ITM2B: variants seen among roughly 807,000 people sequenced by gnomAD.
The protein encoded by ITM2B is integral membrane protein 2B.
A neutral mutation model predicts 27.8 loss-of-function variants in ITM2B; 11 were observed. The observed-to-expected ratio is 0.40, with a 90% confidence interval of 0.25 to 0.66. ITM2B has a LOEUF of 0.66. Among genes scored for constraint, ITM2B ranks in the 30% least tolerant of loss-of-function variants. ITM2B has a pLI of 0.43. For missense variants in ITM2B, 296 were observed against 328.9 expected, an observed-to-expected ratio of 0.90 and a Z score of 0.77; for synonymous variants, 114 against 114.3, an observed-to-expected ratio of 1.00 and a Z score of 0.02.
intron 1 of ITM2B, among the ~76,000 whole-genome samples, chr13:48,252,543 C>G (rs9332270): frequency 6.6e-6 from 1 of 152,178 alleles, no homozygotes; most frequent in Admixed American, 6.5e-5. Flanking sequence ...GGTTTCACCC[C>G]GAAACCATAT....
In ITM2B at chr13:48,258,204, A is replaced by G. The variant is rs180832133; in HGVS notation, c.532A>G (p.Arg178Gly). Residue 178 changes from arginine to glycine, a missense_variant, in exon 4 of 6, where the codon AGA (arginine) becomes GGA (glycine). Coordinates refer to ENST00000647800, the MANE Select transcript of ITM2B (RefSeq NM_021999.5). ...GAACACTTCCATTGTTATGCCACCC[A>G]GAAACCTACTGGAGTTACTTATTAA... The part of the protein sequence containing the change: ...PLNTSIVMPP[R>G]NLLELLINIK... The G allele has an allele frequency of 4.4e-5, 70 of 1,590,206 alleles. 1 individual carries two copies. In the Admixed American group the frequency reaches 9.3e-4, roughly 21 times the overall value.
intron 2 of ITM2B, among the ~76,000 whole-genome samples, chr13:48,255,151 C>T (rs934572694): frequency 1.3e-5 from 2 of 152,064 alleles, no homozygotes; most frequent in African/African-American, 4.8e-5. Context: ...GCTAGGATTA[C>T]AGGCGTGACA....
rs79927631 is a variant in ITM2B at position 48,264,676 on chromosome 13, G to C, written c.*3452G>C. 3 of 152,246 alleles carry C rather than the reference G, an allele frequency of 2.0e-5. No homozygotes were observed. Among genetic ancestry groups the C allele is most frequent in the Non-Finnish European group, 2.9e-5 (2 of 68,016 alleles). 9.4% of individuals were successfully genotyped at this position (152,246 alleles called of 1,614,324 possible). Reference sequence around the variant, plus strand: ...AGGTTCCTAGATAAGGACTTCATGTGTATCTATTTAGAAAAAGAACATTTC... The same window carrying C: ...AGGTTCCTAGATAAGGACTTCATGTCTATCTATTTAGAAAAAGAACATTTC... On this transcript the variant is annotated 3_prime_UTR_variant, in exon 6 of 6. Transcript: ENST00000647800.
In ITM2B at chr13:48,262,308, T is replaced by C. The variant is rs892522373; in HGVS notation, c.*1084T>C. 1 of 152,160 alleles carries C rather than the reference T, an allele frequency of 6.6e-6. No individual in the cohort carries two copies. The highest frequency in any genetic ancestry group is 2.4e-5 in the African/African-American group (1 of 41,448). 9.4% of individuals were successfully genotyped at this position (152,160 alleles called of 1,614,324 possible). On this transcript the variant is annotated 3_prime_UTR_variant, in exon 6 of 6. Coordinates refer to ENST00000647800, the MANE Select transcript of ITM2B (RefSeq NM_021999.5). ...CCACCCCCATTTAATAAAATACCTA[T>C]GATTCATTTCACCTCAAGTTCCTAA...
chr13:48,242,746 T>C (rs957275914), intron 1 of ITM2B, among the ~76,000 whole-genome samples: 1 of 152,172 alleles, frequency 6.6e-6, no homozygotes, highest in Non-Finnish European at 1.5e-5. Flanking sequence ...TGACTTTTTT[T>C]CCCCCTTTGG....
intron 1 of ITM2B, among the ~76,000 whole-genome samples, chr13:48,242,389 G>GTTTC (rs534078797): frequency 9.9e-5 from 15 of 151,250 alleles, no homozygotes; most frequent in South Asian, 2.1e-4. Flanking sequence ...AACTTACCAA[G>GTTTC]TTTCTTTCTT....
At position 48,266,809 on chromosome 13, in the gene ITM2B, A is replaced by G. The variant is rs1951855870; in HGVS notation, c.*5585A>G. On this transcript the variant is annotated 3_prime_UTR_variant, in exon 6 of 6. Transcript: ENST00000647800. ...AAGTAAAATGTTCTGTGGGGGCCATATTAAGATTTTCATATGACAGAAGTG... is the reference window on the plus strand; with the variant it reads ...AAGTAAAATGTTCTGTGGGGGCCATGTTAAGATTTTCATATGACAGAAGTG... The G allele has an allele frequency of 6.6e-6, 1 of 152,152 alleles. No homozygotes were observed. Among genetic ancestry groups the G allele is most frequent in the Non-Finnish European group, 1.5e-5 (1 of 68,030 alleles). The allele number at this position is 152,152 out of a possible 1,614,324, so 9.4% of individuals were successfully genotyped here. A position where few individuals can be genotyped will look rare whatever the true frequency, so the allele number is the denominator to read the frequency against.
intron 1 of ITM2B, among the ~76,000 whole-genome samples, chr13:48,253,337 C>T (rs1405109665): frequency 6.6e-6 from 1 of 151,734 alleles, no homozygotes; most frequent in Non-Finnish European, 1.5e-5. Flanking sequence ...AGTTTTATAC[C>T]TGGTATGAAA....
intron 1 of ITM2B, among the ~76,000 whole-genome samples, chr13:48,240,969 A>C (rs1405906436): frequency 1.3e-5 from 2 of 152,212 alleles, no homozygotes; most frequent in African/African-American, 4.8e-5. Context: ...CCCATAGATT[A>C]ATTCAAAGCA....
chr13:48,261,494 C>A lies in ITM2B; in HGVS notation c.*270C>A. On this transcript the variant is annotated 3_prime_UTR_variant, in exon 6 of 6. Coordinates refer to ENST00000647800, the MANE Select transcript of ITM2B (RefSeq NM_021999.5). Reference sequence around the variant, plus strand: ...TAGGTAGTAGGAAGAATTACAATTTCTTTAAATCATTTATCTGGATTTTTA... The same window carrying A: ...TAGGTAGTAGGAAGAATTACAATTTATTTAAATCATTTATCTGGATTTTTA... 1 of 271,692 alleles carries A rather than the reference C, an allele frequency of 3.7e-6. No individual in the cohort carries two copies. Among genetic ancestry groups the A allele is most frequent in the Non-Finnish European group, 6.9e-6 (1 of 144,226 alleles). The allele number at this position is 271,692 out of a possible 1,614,324, so 16.8% of individuals were successfully genotyped here.
chr13:48,237,711 C>T (rs573201432), intron 1 of ITM2B, among the ~76,000 whole-genome samples: 2 of 152,254 alleles, frequency 1.3e-5, no homozygotes, highest in East Asian at 1.9e-4. Flanking sequence ...TACATAGAAA[C>T]ATGTACTAAG....
chr13:48,239,704 CA>C (rs1951688827), intron 1 of ITM2B, among the ~76,000 whole-genome samples: 1 of 152,128 alleles, frequency 6.6e-6, no homozygotes, highest in African/African-American at 2.4e-5. Context: ...TCCAATTTTC[CA>C]AGGCAAGCTA....
rs1372515604 is a variant in ITM2B at position 48,262,029 on chromosome 13, A to T, written c.*805A>T. ...CAGATTTTTTCTTTAAATAAAAATA[A>T]GTCATTTTAATAACTAAACCAGATT... On this transcript the variant is annotated 3_prime_UTR_variant, in exon 6 of 6. Coordinates refer to ENST00000647800, the MANE Select transcript of ITM2B (RefSeq NM_021999.5). 1 of 152,264 alleles carries T rather than the reference A, an allele frequency of 6.6e-6. No individual in the cohort carries two copies. Among genetic ancestry groups the T allele is most frequent in the African/African-American group, 2.4e-5 (1 of 41,470 alleles). The allele number at this position is 152,264 out of a possible 1,614,324, so 9.4% of individuals were successfully genotyped here. A position where few individuals can be genotyped will look rare whatever the true frequency, so the allele number is the denominator to read the frequency against.
chr13:48,243,523 A>G (rs1474688157), intron 1 of ITM2B, among the ~76,000 whole-genome samples: 1 of 152,142 alleles, frequency 6.6e-6, no homozygotes, highest in African/African-American at 2.4e-5. Context: ...TAAACCTTTT[A>G]CAACAGTAGA....
At chr13:48,256,636 A>T (rs979647277) in intron 3 of ITM2B, among the ~76,000 whole-genome samples, 3 of 152,112 alleles carry the variant, frequency 2.0e-5, no homozygotes, top group African/African-American at 7.2e-5. Flanking sequence ...TGGCAAACTA[A>T]TATTTTTTAT....
At chr13:48,260,089 A>C (rs1951812878) in intron 5 of ITM2B, among the ~76,000 whole-genome samples, 2 of 152,244 alleles carry the variant, frequency 1.3e-5, no homozygotes, top group African/African-American at 4.8e-5. Context: ...ATGAGTGAGA[A>C]GATGCAGTGT....
At chr13:48,233,561 G>A (rs1476106654) in intron 1 of ITM2B, 84 bp downstream of exon 1, 1 of 875,304 alleles carries the variant, frequency 1.1e-6, no homozygotes, top group Non-Finnish European at 1.6e-6. Flanking sequence ...TGCGCCCCGA[G>A]GTGGCGGGCG....
chr13:48,233,558 C>G, intron 1 of ITM2B, 81 bp downstream of exon 1: 3 of 924,722 alleles, frequency 3.2e-6, no homozygotes, highest in Non-Finnish European at 4.6e-6. Context: ...CAGTGCGCCC[C>G]GAGGTGGCGG....
chr13:48,243,138 A>G (rs191167791), intron 1 of ITM2B, among the ~76,000 whole-genome samples: 92 of 146,596 alleles, frequency 6.3e-4, no homozygotes, highest in Admixed American at 3.1e-3. Context: ...TTGATGAGGC[A>G]TCCTCTGATC....
Sources: gnomAD v4.1 joint callset for allele counts (sites outside exome capture counted in the v4.1 genomes callset) on GRCh38, gnomAD v4.1.1 for gene constraint, MANE v1.5 for transcripts, NCBI Gene and HGNC (gene_info 2026-07-23, HGNC 2026-07-21) for gene names.